Variants in ZNF112 observed in about 807,000 individuals in gnomAD.
The protein encoded by ZNF112 is zinc finger protein 112 (Y14).
In ZNF112, 37 loss-of-function variants were observed where a neutral mutation model predicts 77.7. The ratio of observed to expected loss-of-function variants is 0.48; its 90% CI spans 0.37 to 0.63. The LOEUF (loss-of-function observed/expected upper bound fraction) is 0.63. Ranked by LOEUF, ZNF112 falls within the 20% of genes least tolerant of loss-of-function variation. The pLI is 0.00. For synonymous variants in ZNF112, 333 were observed against 363.6 expected (o/e 0.92, Z 0.96); for missense variants, 950 against 1,077.4 (o/e 0.88, Z 1.66).
chr19:44,349,784 A>G (rs1360806285), intron 1 of ZNF112, among the ~76,000 whole-genome samples: 1 of 152,222 alleles, frequency 6.6e-6, no homozygotes, highest in Middle Eastern at 3.4e-3. Context: ...TCCAGATAAA[A>G]TAAATTTGTT....
At chr19:44,353,132 C>T (rs1970722410) in intron 1 of ZNF112, among the ~76,000 whole-genome samples, 1 of 152,020 alleles carries the variant, frequency 6.6e-6, no homozygotes, top group African/African-American at 2.4e-5. Flanking sequence ...TGAAGAGATA[C>T]ACACATAGAT....
rs1197483642 is a variant in ZNF112 at position 44,336,635 on chromosome 19, C to A, written c.208G>T (p.Asp70Tyr). Residue 70 changes from aspartate to tyrosine, a missense_variant, in exon 3 of 4, where the codon GAT becomes TAT. Physicochemically the swap from Asp to Tyr is radical, Grantham distance 160. This residue lies in a region of ZNF112 where 560 missense variants were observed against 557.3 expected (regional missense o/e 1.00). Coordinates refer to ENST00000354340, the MANE Select transcript of ZNF112 (RefSeq NM_013380.4). ...GCACAGTTCTCACCTGAACATCCAT[C>A]TCTTGGGGTTTCTGTCTCCACCATC... ...LLMVETETPR[D>Y]GCSGRKNQQK... The A allele has an allele frequency of 2.5e-6, 4 of 1,613,816 alleles. No homozygotes were observed. Among genetic ancestry groups the A allele is most frequent in the Non-Finnish European group, 3.4e-6 (4 of 1,179,732 alleles).
At chr19:44,334,361 A>T (rs1189141980) in intron 3 of ZNF112, among the ~76,000 whole-genome samples, 1 of 152,248 alleles carries the variant, frequency 6.6e-6, no homozygotes. Flanking sequence ...TATATTTAAA[A>T]AAGAAGCAGA....
At chr19:44,360,870 A>G (rs750292862), upstream of ZNF112, among the ~76,000 whole-genome samples, 2 of 152,224 alleles carry the variant, frequency 1.3e-5, no homozygotes, top group African/African-American at 4.8e-5. Context: ...GTATAAACCT[A>G]TAAGAAATGT....
chr19:44,353,059 A>G (rs1428386194), intron 1 of ZNF112, among the ~76,000 whole-genome samples: 4 of 152,248 alleles, frequency 2.6e-5, no homozygotes, highest in African/African-American at 9.6e-5. Context: ...ATTTGGAAGA[A>G]TCAAACTATC....
At chr19:44,333,591 G>C (rs1021311920) in intron 3 of ZNF112, among the ~76,000 whole-genome samples, 1 of 152,150 alleles carries the variant, frequency 6.6e-6, no homozygotes, top group African/African-American at 2.4e-5. Context: ...TCGTGACAGA[G>C]TTCTCAAGAG....
At chr19:44,350,801 G>T (rs1970677211) in intron 1 of ZNF112, among the ~76,000 whole-genome samples, 1 of 151,994 alleles carries the variant, frequency 6.6e-6, no homozygotes. Flanking sequence ...CCATTTCATT[G>T]TACACTGCAT....
At position 44,329,110 on chromosome 19, in the gene ZNF112, A is replaced by C. The variant is rs1359806146; in HGVS notation, c.1047T>G (p.Gly349=). 5.0e-6 allele frequency: 8 copies of C among 1,613,802 alleles called. No homozygotes were observed. Among genetic ancestry groups the C allele is most frequent in the Non-Finnish European group, 6.8e-6 (8 of 1,179,918 alleles). The change falls in exon 4 of 4, where the codon GGT becomes GGG. Residue 349 remains glycine, a synonymous_variant. Coordinates refer to ENST00000354340, the MANE Select transcript of ZNF112 (RefSeq NM_013380.4). ...AAATGTTGTGCCTATAGGACATCTCACCTGTGTGGATAAGTTCATAAGTGT... is the reference window on the plus strand; with the variant it reads ...AAATGTTGTGCCTATAGGACATCTCCCCTGTGTGGATAAGTTCATAAGTGT... ...PLNTYELIHT[G]EMSYRHNIYE... is the part of the protein sequence containing the mutation.
intron 1 of ZNF112, among the ~76,000 whole-genome samples, chr19:44,344,369 G>T (rs561364471): frequency 4.6e-5 from 7 of 152,102 alleles, no homozygotes; most frequent in African/African-American, 1.4e-4. Flanking sequence ...CTGTGGAAGA[G>T]AAAGAACTGA....
At position 44,365,564 on chromosome 19, in the gene ZNF112, T is replaced by C. The variant is rs566182621; in HGVS notation, c.17+1517A>G. On this transcript the variant is annotated intron_variant, in intron 1 of 4. Coordinates refer to the ZNF112 transcript ENST00000588057. ...ATCTAGGTTATCCTAGATATTTCTT[T>C]TTGAGTGAACTTTGGTAGTTTGTGC... 4.6e-5 allele frequency among the ~76,000 whole-genome samples: 7 copies of C among 152,268 alleles called. No individual in the cohort carries two copies. In the South Asian group the frequency reaches 1.5e-3, roughly 32 times the overall value.
In ZNF112 at chr19:44,336,726, G is replaced by A. The variant is rs1970375674; in HGVS notation, c.125-8C>T. The A allele has an allele frequency of 1.2e-6, 2 of 1,613,140 alleles. No homozygotes were observed. Among genetic ancestry groups the A allele is most frequent in the South Asian group, 1.1e-5 (1 of 91,066 alleles). On this transcript the variant is annotated splice_polypyrimidine_tract_variant and splice_region_variant and intron_variant, in intron 2 of 3. Transcript: ENST00000354340. Reference sequence around the variant, plus strand: ...GCTTGAAGGGCTGATGTGCTGTAAAGAAGGAAAGGACAGCAAAAGTTTTTA... The same window carrying A: ...GCTTGAAGGGCTGATGTGCTGTAAAAAAGGAAAGGACAGCAAAAGTTTTTA...
rs1052835670 is a variant in ZNF112 at position 44,340,403 on chromosome 19, C to T, written c.124+13G>A. ...GAGGCTGCCATTGAGTAACTAAGGG[C>T]ACCTATCCTCACCTACTAAGAGCAG... On this transcript the variant is annotated intron_variant, in intron 2 of 3. Coordinates refer to ENST00000354340, the MANE Select transcript of ZNF112 (RefSeq NM_013380.4). The T allele has an allele frequency of 5.6e-6, 9 of 1,613,156 alleles. No individual in the cohort carries two copies. The African/African-American group carries it at 1.2e-4, about 22-fold the overall frequency.
At chr19:44,352,506 T>A (rs1410572236) in intron 1 of ZNF112, among the ~76,000 whole-genome samples, 3 of 151,968 alleles carry the variant, frequency 2.0e-5, no homozygotes, top group African/African-American at 7.2e-5. Flanking sequence ...GCCAGTGTAG[T>A]GAGGCAAGGA....
chr19:44,347,019 A>G (rs1040236235), intron 1 of ZNF112, among the ~76,000 whole-genome samples: 4 of 152,176 alleles, frequency 2.6e-5, no homozygotes, highest in Admixed American at 2.0e-4. Flanking sequence ...TACTGATAAA[A>G]GAGTGTTGAG....
intron 3 of ZNF112, among the ~76,000 whole-genome samples, chr19:44,336,034 G>A (rs911057802): frequency 3.3e-5 from 5 of 152,194 alleles, no homozygotes; most frequent in African/African-American, 1.2e-4. Flanking sequence ...GAATACAAGG[G>A]TGTCTCACTT....
chr19:44,360,267 A>AAG (rs1491032723), upstream of ZNF112, among the ~76,000 whole-genome samples: 1 of 146,244 alleles, frequency 6.8e-6, no homozygotes, highest in Non-Finnish European at 1.5e-5. Flanking sequence ...GAAAAAAAAA[A>AAG]AGAAAAGAAA....
At chr19:44,365,929 G>A (rs1156592325) in intron 1 of ZNF112, among the ~76,000 whole-genome samples, 2 of 152,164 alleles carry the variant, frequency 1.3e-5, no homozygotes, top group Non-Finnish European at 2.9e-5. Flanking sequence ...CAGATTAACA[G>A]GAGAAAAGCA....
chr19:44,345,497 C>T (rs147350352), intron 1 of ZNF112, among the ~76,000 whole-genome samples: 219 of 152,260 alleles, frequency 1.4e-3, no homozygotes, highest in Non-Finnish European at 2.6e-3. Flanking sequence ...TCTCTGATCA[C>T]CTTTATCAAG....
chr19:44,365,697 T>C (rs1196305987), intron 1 of ZNF112, among the ~76,000 whole-genome samples: 1 of 152,130 alleles, frequency 6.6e-6, no homozygotes, highest in Non-Finnish European at 1.5e-5. Context: ...TGTAATAATG[T>C]TCCCTCCCTC....
Sources: allele counts gnomAD v4.1 joint callset (sites outside exome capture counted in the v4.1 genomes callset), GRCh38; gene constraint gnomAD v4.1.1; regional missense constraint gnomAD v4.1.1; transcripts MANE v1.5; gene names NCBI Gene and HGNC (gene_info 2026-07-23, HGNC 2026-07-21).